STAB2: variants seen among roughly 807,000 people sequenced by gnomAD.
The protein encoded by STAB2 is stabilin-2.
In STAB2, 288 loss-of-function variants were observed where a neutral mutation model predicts 338.1. The ratio of observed to expected loss-of-function variants is 0.85; its 90% CI spans 0.77 to 0.94. The LOEUF (loss-of-function observed/expected upper bound fraction) is 0.94. STAB2 is among the 40% of genes least tolerant of loss of function. The pLI, the probability that STAB2 is intolerant of heterozygous loss-of-function variation, is 0.00. For synonymous variants in STAB2, 1,202 were observed against 1,193.3 expected (o/e 1.01, Z -0.15); for missense variants, 3,141 against 3,210.1 (o/e 0.98, Z 0.52).
chr12:103,760,078 A>G (rs1026234976), intron 65 of STAB2, among the ~76,000 whole-genome samples: 5 of 152,344 alleles, frequency 3.3e-5, no homozygotes, highest in Admixed American at 3.3e-4. Flanking sequence ...CCATTTCGTC[A>G]TCTACTCCCA....
intron 63 of STAB2, among the ~76,000 whole-genome samples, chr12:103,757,004 T>A (rs1220724139): frequency 0.07 from 1,085 of 15,466 alleles, 27 homozygotes; most frequent in African/African-American, 0.3. Flanking sequence ...AAAATATATA[T>A]ATATATATAT....
chr12:103,686,246 C>A (rs543838937), intron 27 of STAB2, among the ~76,000 whole-genome samples: 3 of 152,186 alleles, frequency 2.0e-5, no homozygotes, highest in Non-Finnish European at 2.9e-5. Flanking sequence ...GCCCTAAGAA[C>A]CTTGCCCTTG....
At chr12:103,655,008 C>T in intron 13 of STAB2, 1 of 563,548 alleles carries the variant, frequency 1.8e-6, no homozygotes, top group Non-Finnish European at 3.1e-6. Context: ...GTTATTGCTG[C>T]AATAAAACTT....
At chr12:103,650,417 A>G in intron 10 of STAB2, 79 bp from the exon 11 acceptor site, 2 of 1,226,162 alleles carry the variant, frequency 1.6e-6, no homozygotes, top group African/African-American at 1.5e-5. Context: ...GTGACCCAAG[A>G]CCTGTTGCCT....
At chr12:103,764,099 G>A (rs531909498) in intron 68 of STAB2, among the ~76,000 whole-genome samples, 3 of 151,872 alleles carry the variant, frequency 2.0e-5, no homozygotes, top group Admixed American at 6.6e-5. Flanking sequence ...GATTACAGGC[G>A]CATACCACCA....
chr12:103,673,947 C>G lies in STAB2; in HGVS notation c.2412C>G (p.Asp804Glu), dbSNP rs748663805. The G allele has an allele frequency of 6.2e-7, 1 of 1,614,014 alleles. No homozygotes were observed. Among genetic ancestry groups the G allele is most frequent in the Non-Finnish European group, 8.5e-7 (1 of 1,179,956 alleles). The change falls in exon 23 of 69, where the codon GAC becomes GAG. Residue 804 changes from aspartate (D) to glutamate (E), a missense_variant. By Grantham distance (45) the Asp-to-Glu change is conservative. Transcript: ENST00000388887. ...ACGGAACATGCAATAACAGGATAGA[C>G]AGCGATGGGGCCTGCCTCACTGGCA... ...CVHGTCNNRI[D>E]SDGACLTGTC...
chr12:103,599,426 G>A (rs1956923099), intron 3 of STAB2, among the ~76,000 whole-genome samples: 1 of 152,140 alleles, frequency 6.6e-6, no homozygotes. Context: ...TCCCTTCTGA[G>A]AGGCAGCATG....
intron 42 of STAB2, 31 bp from the exon 43 acceptor site, chr12:103,715,784 C>A (rs763795757): frequency 6.2e-7 from 1 of 1,613,728 alleles, no homozygotes; most frequent in South Asian, 1.1e-5. Context: ...GACTGGATTT[C>A]CAGGCCAGAT....
At chr12:103,610,082 G>A (rs138487592) in intron 3 of STAB2, among the ~76,000 whole-genome samples, 2,506 of 152,058 alleles carry the variant, frequency 0.016, 76 homozygotes, top group African/African-American at 0.056. Flanking sequence ...TGCTGGATTC[G>A]GTTTTCCAGT....
At chr12:103,728,100 T>C (rs1274260602) in intron 47 of STAB2, among the ~76,000 whole-genome samples, 1 of 152,232 alleles carries the variant, frequency 6.6e-6, no homozygotes, top group Non-Finnish European at 1.5e-5. Flanking sequence ...AAAGGAGTTA[T>C]GAAACAATGA....
chr12:103,677,693 T>G, intron 25 of STAB2, 82 bp downstream of exon 25: 1 of 1,491,500 alleles, frequency 6.7e-7, no homozygotes, highest in Non-Finnish European at 9.0e-7. Flanking sequence ...AGAAGTACTT[T>G]GGCTAGAACT....
rs890765555 is a variant in STAB2, at chr12:103,625,472, T to C, written c.487+3361T>C. Among the ~76,000 whole-genome samples, 3 of 152,184 alleles carry C rather than the reference T, an allele frequency of 2.0e-5. No individual in the cohort carries two copies. The South Asian group carries it at 6.2e-4, about 32-fold the overall frequency. On this transcript the variant is annotated intron_variant, in intron 5 of 68. Transcript: ENST00000388887. ...TGTGCTGCCCCCAGTAACTTGTCATTTAACATTAGGTATATCTCCTAAAGC... is the reference window on the plus strand; with the variant it reads ...TGTGCTGCCCCCAGTAACTTGTCATCTAACATTAGGTATATCTCCTAAAGC...
chr12:103,729,241 T>A (rs1416135513), intron 48 of STAB2, among the ~76,000 whole-genome samples: 3 of 152,170 alleles, frequency 2.0e-5, no homozygotes, highest in Non-Finnish European at 4.4e-5. Context: ...GAAAAATAAC[T>A]AATAGGTACT....
chr12:103,682,339 T>G (rs1876993489), intron 25 of STAB2, among the ~76,000 whole-genome samples: 1 of 152,146 alleles, frequency 6.6e-6, no homozygotes, highest in Non-Finnish European at 1.5e-5. Context: ...CAGGGGAGGA[T>G]CGAGACTGCC....
In STAB2 at chr12:103,669,601, T is replaced by C. The variant is rs748244220; in HGVS notation, c.2233T>C (p.Ser745Pro). Residue 745 changes from serine (S) to proline (P), a missense_variant, in exon 21 of 69, where the codon TCA (serine) becomes CCA (proline). Physicochemically the swap from Ser to Pro is moderately conservative, Grantham distance 74. Transcript: ENST00000388887. Reference protein sequence around the residue: ...PDCNQCPGGFSNPCSGNGQCA... With the variant: ...PDCNQCPGGFPNPCSGNGQCA... Reference sequence around the variant, plus strand: ...CTGCAACCAGTGTCCAGGAGGCTTCTCAAATCCATGCTCAGGAAATGGACA... The same window carrying C: ...CTGCAACCAGTGTCCAGGAGGCTTCCCAAATCCATGCTCAGGAAATGGACA... The C allele has an allele frequency of 6.8e-6, 11 of 1,614,198 alleles. No individual in the cohort carries two copies. Among genetic ancestry groups the C allele is most frequent in the Middle Eastern group, 1.6e-4 (1 of 6,062 alleles).
intron 24 of STAB2, among the ~76,000 whole-genome samples, chr12:103,677,125 G>A (rs908093444): frequency 5.9e-5 from 9 of 152,034 alleles, no homozygotes; most frequent in African/African-American, 2.2e-4. Flanking sequence ...CATGACCTTG[G>A]GCAACACCTG....
chr12:103,592,585 T>A (rs571569444), intron 2 of STAB2, among the ~76,000 whole-genome samples: 26 of 152,326 alleles, frequency 1.7e-4, no homozygotes, highest in Non-Finnish European at 3.7e-4. Flanking sequence ...ACCTGGACAT[T>A]CTTGATGTAC....
At chr12:103,663,096 T>G (rs1874764677) in intron 18 of STAB2, 98 bp downstream of exon 18, 2 of 1,481,210 alleles carry the variant, frequency 1.4e-6, no homozygotes, top group East Asian at 4.6e-5. Flanking sequence ...CAAAGAAAGT[T>G]GGACTTCCAG....
chr12:103,754,097 C>T (rs536897629), intron 61 of STAB2, among the ~76,000 whole-genome samples: 1 of 152,038 alleles, frequency 6.6e-6, no homozygotes, highest in Non-Finnish European at 1.5e-5. Flanking sequence ...TTTTAAAGCC[C>T]CTTCTCCAAC....
Sources: allele counts gnomAD v4.1 joint callset (sites outside exome capture counted in the v4.1 genomes callset), GRCh38; gene constraint gnomAD v4.1.1; transcripts MANE v1.5; gene names NCBI Gene and HGNC (gene_info 2026-07-23, HGNC 2026-07-21).